Variants in MRPL20 observed in about 807,000 individuals in gnomAD.
MRPL20 encodes large ribosomal subunit protein bL20m.
A neutral mutation model predicts 20.0 loss-of-function variants in MRPL20; 21 were observed. That is an observed-to-expected ratio of 1.05 (90% CI 0.74 to 1.51). The LOEUF (loss-of-function observed/expected upper bound fraction) is 1.51, where lower values mean the gene tolerates loss of function less well. Among genes scored for constraint, MRPL20 ranks in the 40% most tolerant of loss-of-function variants. The pLI, the probability that MRPL20 is intolerant of heterozygous loss-of-function variation, is 0.00. For synonymous variants in MRPL20, 104 were observed against 73.0 expected, an observed-to-expected ratio of 1.43 and a Z score of -2.17; for missense variants, 252 against 185.6, an observed-to-expected ratio of 1.36 and a Z score of -2.08.
At chr1:1,404,444 G>A (rs909501927) in intron 3 of MRPL20, among the ~76,000 whole-genome samples, 16 of 151,344 alleles carry the variant, frequency 1.1e-4, no homozygotes, top group Middle Eastern at 3.2e-3. Context: ...GTGAGCCACC[G>A]CGCCTGGCCT....
At chr1:1,405,688 C>T (rs1285074159) in intron 3 of MRPL20, 121 bp downstream of exon 3, 1 of 1,545,694 alleles carries the variant, frequency 6.5e-7, no homozygotes, top group Non-Finnish European at 8.9e-7. Context: ...AAGTCAGTCT[C>T]CAGGGATCCT....
intron 3 of MRPL20, among the ~76,000 whole-genome samples, chr1:1,403,175 G>C (rs1645349213): frequency 6.6e-6 from 1 of 151,574 alleles, no homozygotes; most frequent in South Asian, 2.1e-4. Flanking sequence ...CGAGGACAAA[G>C]TGGCCTACTA....
chr1:1,405,589 AACGTG>A, intron 3 of MRPL20: 1 of 786,628 alleles, frequency 1.3e-6, no homozygotes, highest in South Asian at 1.5e-5. Context: ...CTCCTTAGGC[AACGTG>A]GTGGTCCCTT....
chr1:1,402,500 G>A, intron 3 of MRPL20: 2 of 1,253,478 alleles, frequency 1.6e-6, no homozygotes, highest in Non-Finnish European at 2.0e-6. Flanking sequence ...CAGTCCTGAT[G>A]TCGGCCCGGG....
chr1:1,402,673 G>T, intron 3 of MRPL20: 1 of 950,714 alleles, frequency 1.1e-6, no homozygotes, highest in Non-Finnish European at 1.3e-6. Context: ...AAGGGGGGCC[G>T]TCTCTTTGAG....
chr1:1,407,189 A>C lies in MRPL20; in HGVS notation c.29T>G (p.Leu10Arg). Residue 10 changes from leucine (L) to arginine (R), a missense_variant, in exon 1 of 4, where the codon CTG becomes CGG. Coordinates refer to ENST00000344843, the MANE Select transcript of MRPL20 (RefSeq NM_017971.4). ...GTAGCGGTCGGTGACGCGATTCCGC[A>C]GCCAGAGCTGCGCGGTGAGGAAGAC... The part of the protein sequence containing the change: MVFLTAQLW[L>R]RNRVTDRYFR... The C allele has an allele frequency of 1.2e-6, 2 of 1,606,524 alleles. No homozygotes were observed. The highest frequency in any genetic ancestry group is 1.7e-6 in the Non-Finnish European group (2 of 1,176,904).
intron 2 of MRPL20, 93 bp downstream of exon 2, chr1:1,406,816 G>T: frequency 9.3e-7 from 1 of 1,070,392 alleles, no homozygotes; most frequent in East Asian, 2.4e-5. Flanking sequence ...GGGGCTGAGG[G>T]TGGCCGGGCG....
intron 3 of MRPL20, among the ~76,000 whole-genome samples, chr1:1,402,958 C>T (rs1479722202): frequency 1.3e-5 from 2 of 152,048 alleles, no homozygotes; most frequent in African/African-American, 4.8e-5. Context: ...GAAACCCTGT[C>T]TCTACCAAAA....
chr1:1,402,212 G>C lies in MRPL20; in HGVS notation c.321C>G (p.Ile107Met), dbSNP rs201348345. ...AAGATTTGAAAGTCTTTGGCTCGTA[G>C]ATGGCCAGATCCGCTAGGACTTTCC... The part of the protein sequence containing the change: ...LNRKVLADLA[I>M]YEPKTFKSLA... The change falls in exon 4 of 4, where the codon ATC becomes ATG. Residue 107 changes from isoleucine to methionine, a missense_variant. Physicochemically the swap from Ile to Met is conservative, Grantham distance 10. Transcript: ENST00000344843. The C allele has an allele frequency of 1.2e-5, 20 of 1,613,958 alleles. No homozygotes were observed. Among genetic ancestry groups the C allele is most frequent in the Admixed American group, 1.7e-5 (1 of 59,986 alleles).
At chr1:1,402,876 CTG>C (rs549302312) in intron 3 of MRPL20, among the ~76,000 whole-genome samples, 97 of 152,066 alleles carry the variant, frequency 6.4e-4, no homozygotes, top group Non-Finnish European at 1.2e-3. Flanking sequence ...TGCCTGTAAT[CTG>C]AGCACTTTGG....
At chr1:1,406,651 G>C in intron 2 of MRPL20, 1 of 526,074 alleles carries the variant, frequency 1.9e-6, no homozygotes, top group South Asian at 2.0e-5. Context: ...TGGCGACGCA[G>C]GGAGAGTGTC....
chr1:1,406,358 A>G (rs1366404859), intron 2 of MRPL20: 2 of 174,806 alleles, frequency 1.1e-5, no homozygotes, highest in South Asian at 1.1e-4. Context: ...TCGGGGTAAG[A>G]AAAAAAAACC....
chr1:1,407,137 G>A lies in MRPL20; in HGVS notation c.81C>T (p.His27=). 2 of 1,607,196 alleles carry A rather than the reference G, an allele frequency of 1.2e-6. No individual in the cohort carries two copies. Among genetic ancestry groups the A allele is most frequent in the Non-Finnish European group, 1.7e-6 (2 of 1,176,642 alleles). Residue 27 remains histidine, a synonymous_variant, in exon 1 of 4, where the codon CAC becomes CAT. Transcript: ENST00000344843. ...CCGGGCAGGCGGCACTCACCCTGGC[G>A]TGCTTCAGCACCTCCTGGATCCGAA... The part of the protein sequence containing the change: ...RYFRIQEVLK[H]ARHFRGRKNR...
At chr1:1,405,772 T>A (rs1645377955) in intron 3 of MRPL20, 37 bp downstream of exon 3, 1 of 1,614,092 alleles carries the variant, frequency 6.2e-7, no homozygotes, top group Non-Finnish European at 8.5e-7. Context: ...TCTGCAGATG[T>A]CCAGAATTTC....
At chr1:1,407,110 G>A (rs1645392652) in intron 1 of MRPL20, 21 bp downstream of exon 1, 4 of 1,607,706 alleles carry the variant, frequency 2.5e-6, no homozygotes, top group Non-Finnish European at 1.7e-6. Context: ...CCAGTGCCCA[G>A]GCCGGGCAGG....
chr1:1,406,545 G>T, intron 2 of MRPL20: 1 of 321,060 alleles, frequency 3.1e-6, no homozygotes, highest in Non-Finnish European at 6.1e-6. Context: ...GCAGATAGTA[G>T]CCCTGGAGGG....
Position 1,407,117 on chromosome 1 carries a change from C to A in MRPL20, c.87+14G>T, listed in dbSNP as rs1645392715. ...CCGGGCGCCCAGTGCCCAGGCCGGGCAGGCGGCACTCACCCTGGCGTGCTT... is the reference window on the plus strand; with the variant it reads ...CCGGGCGCCCAGTGCCCAGGCCGGGAAGGCGGCACTCACCCTGGCGTGCTT... On this transcript the variant is annotated intron_variant, in intron 1 of 3. Transcript: ENST00000344843. 1.2e-6 allele frequency: 2 copies of A among 1,606,936 alleles called. No individual in the cohort carries two copies. The highest frequency in any genetic ancestry group is 1.7e-6 in the Non-Finnish European group (2 of 1,176,028).
intron 3 of MRPL20, chr1:1,405,482 C>T (rs1431657213): frequency 5.0e-6 from 3 of 602,376 alleles, no homozygotes; most frequent in East Asian, 5.5e-5. Context: ...CACTATGTTG[C>T]CCAGGCTGTT....
At chr1:1,403,266 CAG>C (rs369303522) in intron 3 of MRPL20, among the ~76,000 whole-genome samples, 8 of 151,588 alleles carry the variant, frequency 5.3e-5, no homozygotes, top group East Asian at 1.9e-4. Flanking sequence ...TTTTTTGAAA[CAG>C]AGTCTCACTG....
Sources: allele counts gnomAD v4.1 joint callset (sites outside exome capture counted in the v4.1 genomes callset), GRCh38; gene constraint gnomAD v4.1.1; transcripts MANE v1.5; gene names NCBI Gene and HGNC (gene_info 2026-07-23, HGNC 2026-07-21).